The following RBBP8NL variants were observed in gnomAD, a reference collection of about 807,000 sequenced individuals.
RBBP8NL encodes RBBP8 N-terminal like.
Under a neutral mutation model 62.2 loss-of-function variants are expected in RBBP8NL, and 59 were observed. The ratio of observed to expected loss-of-function variants is 0.95; its 90% CI spans 0.77 to 1.18. The LOEUF (loss-of-function observed/expected upper bound fraction) is 1.18, where lower values mean the gene tolerates loss of function less well. Among genes scored for constraint, RBBP8NL ranks in the 50% most tolerant of loss-of-function variants. The probability of loss-of-function intolerance (pLI) is 0.00; values close to 1 mark genes in which losing one functional copy is unlikely to be tolerated. For missense variants in RBBP8NL, 896 were observed against 899.5 expected (o/e 1.00, Z 0.05); for synonymous variants, 412 against 394.1 (o/e 1.05, Z -0.54).
In RBBP8NL at chr20:62,417,156, C is replaced by G. The variant is rs1988586522; in HGVS notation, c.200+68G>C. 3.3e-6 allele frequency: 4 copies of G among 1,197,274 alleles called. No homozygotes were observed. In the Admixed American group the frequency reaches 8.5e-5, roughly 26 times the overall value. The allele number at this position is 1,197,274 out of a possible 1,614,324, so 74.2% of individuals were successfully genotyped here. A position where few individuals can be genotyped will look rare whatever the true frequency, so the allele number is the denominator to read the frequency against. On this transcript the variant is annotated intron_variant, in intron 4 of 13. Coordinates refer to ENST00000252998, the MANE Select transcript of RBBP8NL (RefSeq NM_080833.3). ...TTCCCAAACTCATTCTCCGAGGAGCCCTGTCACCTCCTCCTCTCCTGAGCC... is the reference window on the plus strand; with the variant it reads ...TTCCCAAACTCATTCTCCGAGGAGCGCTGTCACCTCCTCCTCTCCTGAGCC...
chr20:62,415,918 C>G lies in RBBP8NL; in HGVS notation c.414G>C (p.Glu138Asp), dbSNP rs1314922194. The G allele has an allele frequency of 6.4e-7, 1 of 1,564,888 alleles. No individual in the cohort carries two copies. Among genetic ancestry groups the G allele is most frequent in the Non-Finnish European group, 8.6e-7 (1 of 1,157,502 alleles). ...LGDRPKPRAK[E>D]GTSDPPSPLL... is the part of the protein sequence containing the mutation. ...GGGGTGAGGGGGGGTCCGAGGTGCC[C>G]TCCTTGGCCCGGGGCTTGGGCCTGT... Residue 138 changes from glutamate (E) to aspartate (D), a missense_variant, in exon 7 of 14, where the codon GAG becomes GAC. Coordinates refer to ENST00000252998, the MANE Select transcript of RBBP8NL (RefSeq NM_080833.3).
At position 62,410,814 on chromosome 20, in the gene RBBP8NL, T is replaced by C; in HGVS notation, c.*64A>G. The C allele has an allele frequency of 2.6e-6, 3 of 1,139,390 alleles. 1 individual carries two copies. The highest frequency in any genetic ancestry group is 1.3e-6 in the Non-Finnish European group (1 of 765,574). 70.6% of individuals were successfully genotyped at this position (1,139,390 alleles called of 1,614,324 possible). On this transcript the variant is annotated 3_prime_UTR_variant, in exon 14 of 14. Transcript: ENST00000252998. Reference sequence around the variant, plus strand: ...CCTGCTGGTTGGATGGTGTGCCCTCTCCAGGCCCTGGTGGGCAGGTGGAGG... The same window carrying C: ...CCTGCTGGTTGGATGGTGTGCCCTCCCCAGGCCCTGGTGGGCAGGTGGAGG...
chr20:62,412,380 G>A (rs954800119), intron 13 of RBBP8NL, among the ~76,000 whole-genome samples: 4 of 152,218 alleles, frequency 2.6e-5, no homozygotes, highest in Non-Finnish European at 4.4e-5. Context: ...AGGAGACTGA[G>A]GCTCAGATTT....
intron 6 of RBBP8NL, 96 bp downstream of exon 6, chr20:62,416,068 C>A (rs1988557799): frequency 4.1e-6 from 6 of 1,472,274 alleles, no homozygotes; most frequent in Non-Finnish European, 4.6e-6. Context: ...GCCTGAGAGT[C>A]CTCCATGGGC....
chr20:62,419,740 A>G lies in RBBP8NL; in HGVS notation c.-83-10T>C. 7.2e-7 allele frequency: 1 copy of G among 1,390,500 alleles called. No homozygotes were observed. The highest frequency in any genetic ancestry group is 1.0e-6 in the Non-Finnish European group (1 of 992,880). The allele number at this position is 1,390,500 out of a possible 1,614,324, so 86.1% of individuals were successfully genotyped here. On this transcript the variant is annotated splice_polypyrimidine_tract_variant and intron_variant, in intron 1 of 13. Transcript: ENST00000252998. Reference sequence around the variant, plus strand: ...CCCCTCTGTGTCCATCCTGAAGAGGAGGAAGAGGGGACAGGGATCCGCTCA... The same window carrying G: ...CCCCTCTGTGTCCATCCTGAAGAGGGGGAAGAGGGGACAGGGATCCGCTCA...
chr20:62,413,750 G>C (rs1028435657), intron 10 of RBBP8NL, 71 bp downstream of exon 10: 31 of 1,505,660 alleles, frequency 2.1e-5, no homozygotes, highest in Admixed American at 2.0e-4. Flanking sequence ...CCGAGGTCTG[G>C]GGGGAGGCCG....
intron 10 of RBBP8NL, 35 bp downstream of exon 10, chr20:62,413,786 G>A: frequency 3.2e-6 from 5 of 1,548,742 alleles, no homozygotes; most frequent in Non-Finnish European, 4.4e-6. Flanking sequence ...CGTGGAGGCT[G>A]AGGACCGGGT....
At position 62,410,744 on chromosome 20, in the gene RBBP8NL, A is replaced by G; in HGVS notation, c.*134T>C. The G allele has an allele frequency of 2.9e-6, 2 of 684,236 alleles. No individual in the cohort carries two copies. Among genetic ancestry groups the G allele is most frequent in the Admixed American group, 2.3e-5 (1 of 42,642 alleles). The allele number at this position is 684,236 out of a possible 1,614,324, so 42.4% of individuals were successfully genotyped here. ...GCTGCCCTGGGCTCACTGTGGGTTC[A>G]GCTGAGGCTGGCTAGGTCTTCTCCC... On this transcript the variant is annotated 3_prime_UTR_variant, in exon 14 of 14. Coordinates refer to ENST00000252998, the MANE Select transcript of RBBP8NL (RefSeq NM_080833.3).
At chr20:62,417,342 TG>T in intron 3 of RBBP8NL, 23 bp from the exon 4 acceptor site, 1 of 1,550,560 alleles carries the variant, frequency 6.4e-7, no homozygotes. Flanking sequence ...ACAGCTAAAG[TG>T]GGGTCCTGTT....
chr20:62,413,620 G>A, intron 10 of RBBP8NL, 75 bp from the exon 11 acceptor site: 2 of 1,478,724 alleles, frequency 1.4e-6, no homozygotes, highest in Non-Finnish European at 1.8e-6. Context: ...TGGACAGCCG[G>A]TGGGACCCCT....
In RBBP8NL at chr20:62,410,525, C is replaced by T. The variant is rs1774799950; in HGVS notation, c.*353G>A. 2 of 276,690 alleles carry T rather than the reference C, an allele frequency of 7.2e-6. No homozygotes were observed. Among genetic ancestry groups the T allele is most frequent in the Non-Finnish European group, 1.4e-5 (2 of 146,218 alleles). 17.1% of individuals were successfully genotyped at this position (276,690 alleles called of 1,614,324 possible). ...TCCAGTCCCCACACCCCTCAGGGAGCAGGTGCTGGGCTGTGGGAGGGGCCG... is the reference window on the plus strand; with the variant it reads ...TCCAGTCCCCACACCCCTCAGGGAGTAGGTGCTGGGCTGTGGGAGGGGCCG... On this transcript the variant is annotated 3_prime_UTR_variant, in exon 14 of 14. Transcript: ENST00000252998.
intron 1 of RBBP8NL, among the ~76,000 whole-genome samples, chr20:62,420,320 TGCCGTGGCA>T: frequency 6.6e-6 from 1 of 150,624 alleles, no homozygotes; most frequent in South Asian, 2.1e-4. Context: ...CCCCCTCCAA[TGCCGTGGCA>T]GCTTCAATCC....
chr20:62,418,024 G>A (rs1029167340), intron 3 of RBBP8NL, among the ~76,000 whole-genome samples: 1 of 152,166 alleles, frequency 6.6e-6, no homozygotes, highest in African/African-American at 2.4e-5. Flanking sequence ...CGTCTGTCCT[G>A]TCCACGCACC....
At chr20:62,422,786 G>A (rs1287213693) in intron 1 of RBBP8NL, among the ~76,000 whole-genome samples, 1 of 152,148 alleles carries the variant, frequency 6.6e-6, no homozygotes, top group African/African-American at 2.4e-5. Flanking sequence ...AGCAAGGGGT[G>A]TGGGACAGAG....
In RBBP8NL at chr20:62,414,460, G is replaced by A. The variant is rs1474976165; in HGVS notation, c.891C>T (p.Ser297=). Residue 297 remains serine (S), a synonymous_variant, in exon 10 of 14, where the codon TCC becomes TCT. Transcript: ENST00000252998. The part of the protein sequence containing the change: ...DRLCLLNRPL[S]LHLQSPHSSP... ...TGCTGTGGGGGCTCTGAAGGTGCAG[G>A]GACAGGGGGCGGTTTAGGAGGCAGA... 4.7e-6 allele frequency: 7 copies of A among 1,490,488 alleles called. No individual in the cohort carries two copies. Among genetic ancestry groups the A allele is most frequent in the Non-Finnish European group, 5.4e-6 (6 of 1,116,602 alleles). 92.3% of individuals were successfully genotyped at this position (1,490,488 alleles called of 1,614,324 possible). A position where few individuals can be genotyped will look rare whatever the true frequency, so the allele number is the denominator to read the frequency against.
At chr20:62,416,391 T>G (rs1264532971) in intron 5 of RBBP8NL, among the ~76,000 whole-genome samples, 155 bp from the exon 6 acceptor site, 2 of 152,182 alleles carry the variant, frequency 1.3e-5, no homozygotes, top group Non-Finnish European at 2.9e-5. Context: ...GCTGGCTGCG[T>G]GCATGGCTGA....
rs780721136 is a variant in RBBP8NL, at chr20:62,415,601, G to T, written c.604C>A (p.Pro202Thr). The T allele has an allele frequency of 1.2e-5, 20 of 1,612,762 alleles. No homozygotes were observed. The South Asian group carries it at 2.1e-4, about 17-fold the overall frequency. ...VAKISPGATL[P>T]ESRAPDMSPQ... ...ACCATGTCTGGGGCTCGCGACTCAG[G>T]CAGGGTGGCCCCTGGGGAGATTTTG... Residue 202 changes from proline to threonine, a missense_variant, in exon 8 of 14, where the codon CCT becomes ACT. Pro to Thr is a conservative substitution (Grantham distance 38, BLOSUM62 -1). Coordinates refer to ENST00000252998, the MANE Select transcript of RBBP8NL (RefSeq NM_080833.3).
At chr20:62,416,094 G>A (rs1988558330) in intron 6 of RBBP8NL, 70 bp downstream of exon 6, 13 of 1,508,100 alleles carry the variant, frequency 8.6e-6, no homozygotes, top group East Asian at 2.3e-5. Flanking sequence ...CCCCAGGGAC[G>A]TGTGCTGGGT....
At chr20:62,427,265 C>T (rs1253079755) in intron 1 of RBBP8NL, among the ~76,000 whole-genome samples, 195 bp downstream of exon 1, 1 of 152,246 alleles carries the variant, frequency 6.6e-6, no homozygotes, top group African/African-American at 2.4e-5. Context: ...ACTGAGCTCT[C>T]TCCGTTGCTA....
Sources: gnomAD v4.1 joint callset for allele counts (sites outside exome capture counted in the v4.1 genomes callset) on GRCh38, gnomAD v4.1.1 for gene constraint, MANE v1.5 for transcripts, NCBI Gene and HGNC (gene_info 2026-07-23, HGNC 2026-07-21) for gene names.